TOM1: variants seen among roughly 807,000 people sequenced by gnomAD.
TOM1 encodes target of myb1 membrane trafficking protein, also known as target of Myb protein 1.
In TOM1, 38 loss-of-function variants were observed where a neutral mutation model predicts 61.3. The observed-to-expected ratio is 0.62, with a 90% CI of 0.48 to 0.81. The LOEUF (loss-of-function observed/expected upper bound fraction) is 0.81, where lower values mean the gene tolerates loss of function less well. Ranked by LOEUF, TOM1 falls within the 40% of genes least tolerant of loss-of-function variation. TOM1 has a pLI of 0.00. For missense variants in TOM1, 591 were observed against 659.6 expected (o/e 0.90, Z 1.14); for synonymous variants, 270 against 268.8 (o/e 1.00, Z -0.04).
chr22:35,312,893 G>T (rs1926958784), intron 1 of TOM1, among the ~76,000 whole-genome samples: 2 of 152,224 alleles, frequency 1.3e-5, no homozygotes, highest in African/African-American at 4.8e-5. Context: ...AGTTGTGCTT[G>T]GAGTTATGTT....
chr22:35,345,811 C>T (rs1454560174), intron 13 of TOM1, 27 bp downstream of exon 13: 1 of 1,611,626 alleles, frequency 6.2e-7, no homozygotes, highest in Non-Finnish European at 8.5e-7. Context: ...TCCTCACCCA[C>T]ACAGCAGGAG....
intron 9 of TOM1, 111 bp downstream of exon 9, chr22:35,333,125 G>T (rs753458638): frequency 4.1e-6 from 5 of 1,219,456 alleles, no homozygotes; most frequent in Non-Finnish European, 6.1e-6. Context: ...GTCTTATCCA[G>T]GCCCATAGAG....
At chr22:35,343,799 TACCCAC>T (rs1174916735) in intron 12 of TOM1, among the ~76,000 whole-genome samples, 2 of 113,312 alleles carry the variant, frequency 1.8e-5, no homozygotes, top group African/African-American at 3.4e-5. Context: ...CACCTACACC[TACCCAC>T]ACCTACACCT....
At chr22:35,313,479 T>A (rs1307507560) in intron 1 of TOM1, among the ~76,000 whole-genome samples, 2 of 152,244 alleles carry the variant, frequency 1.3e-5, no homozygotes, top group African/African-American at 2.4e-5. Context: ...GCTCGGTTAC[T>A]CATTGCTAGC....
At position 35,323,010 on chromosome 22, in the gene TOM1, C is replaced by A; in HGVS notation, c.217-18C>A. ...CTCCTCTGACCAAGGTGCTCGACGGCACCTCTCGGCCCTCCAGGTCTTAGA... is the reference window on the plus strand; with the variant it reads ...CTCCTCTGACCAAGGTGCTCGACGGAACCTCTCGGCCCTCCAGGTCTTAGA... On this transcript the variant is annotated intron_variant, in intron 3 of 14. Coordinates refer to ENST00000449058, the MANE Select transcript of TOM1 (RefSeq NM_005488.3). This position sits in a 1 kb window ranked among gnomAD's most constrained non-coding sequence, Gnocchi z 4.2. The A allele has an allele frequency of 6.2e-7, 1 of 1,613,106 alleles. No individual in the cohort carries two copies. The highest frequency in any genetic ancestry group is 8.5e-7 in the Non-Finnish European group (1 of 1,179,568).
At position 35,339,732 on chromosome 22, in the gene TOM1, G is replaced by A. The variant is rs1478057248; in HGVS notation, c.1224+944G>A. On this transcript the variant is annotated intron_variant, in intron 12 of 14. Coordinates refer to ENST00000449058, the MANE Select transcript of TOM1 (RefSeq NM_005488.3). Reference sequence around the variant, plus strand: ...ATCCCGGCTAAAACGGTGAAACCCCGTCTCTACTAAAAATACAAAAAATTA... The same window carrying A: ...ATCCCGGCTAAAACGGTGAAACCCCATCTCTACTAAAAATACAAAAAATTA... Among the ~76,000 whole-genome samples the A allele has an allele frequency of 3.9e-5, 6 of 151,984 alleles. No homozygotes were observed. In the South Asian group the frequency reaches 1.0e-3, roughly 26 times the overall value.
Position 35,323,305 on chromosome 22 carries a change from G to T in TOM1, c.366+128G>T. On this transcript the variant is annotated intron_variant, in intron 4 of 14. Coordinates refer to ENST00000449058, the MANE Select transcript of TOM1 (RefSeq NM_005488.3). This position sits in a 1 kb window ranked among gnomAD's most constrained non-coding sequence, Gnocchi z 4.2. ...CTTCTCATTTCGGGGCGTCTCGGTT[G>T]TCGGCTGGTGGGATGTTCTGTGGGG... 2.1e-6 allele frequency: 3 copies of T among 1,440,212 alleles called. No homozygotes were observed. The highest frequency in any genetic ancestry group is 2.8e-6 in the Non-Finnish European group (3 of 1,058,430). 89.2% of individuals were successfully genotyped at this position (1,440,212 alleles called of 1,614,324 possible). A position where few individuals can be genotyped will look rare whatever the true frequency, so the allele number is the denominator to read the frequency against.
At chr22:35,305,135 G>C (rs1469285847) in intron 1 of TOM1, among the ~76,000 whole-genome samples, 1 of 152,244 alleles carries the variant, frequency 6.6e-6, no homozygotes, top group African/African-American at 2.4e-5. Context: ...GGAATGATGG[G>C]CTGGAAAGTG....
chr22:35,322,902 TC>T, intron 3 of TOM1, 125 bp from the exon 4 acceptor site: 1 of 1,155,378 alleles, frequency 8.7e-7, no homozygotes, highest in Non-Finnish European at 1.2e-6. Flanking sequence ...AGGGTCTCAC[TC>T]CAGGAAGTCC....
In TOM1 at chr22:35,323,881, C is replaced by A. The variant is rs578123280; in HGVS notation, c.615C>A (p.Ser205=). 7.5e-6 allele frequency: 12 copies of A among 1,597,998 alleles called. 1 individual carries two copies. The South Asian group carries it at 1.2e-4, about 17-fold the overall frequency. ...AAPLPAPPIL[S]GDTPIAPTPE... is the part of the protein sequence containing the mutation. ...CTCTGCCCGCCCCGCCCATACTCTC[C>A]GGTGACACGCCCATAGCACCAACCC... The change falls in exon 6 of 15, where the codon TCC becomes TCA. Residue 205 remains serine, a synonymous_variant. Coordinates refer to ENST00000449058, the MANE Select transcript of TOM1 (RefSeq NM_005488.3). This position sits in a 1 kb window ranked among gnomAD's most constrained non-coding sequence, Gnocchi z 4.2.
chr22:35,334,201 C>A lies in TOM1; in HGVS notation c.1028-127C>A. On this transcript the variant is annotated intron_variant, in intron 10 of 14. Coordinates refer to ENST00000449058, the MANE Select transcript of TOM1 (RefSeq NM_005488.3). Reference sequence around the variant, plus strand: ...AGCCAGCAGCAGGTGGCCTGCCTCGCGCATTCCCCCACCCACACGTGCCAC... The same window carrying A: ...AGCCAGCAGCAGGTGGCCTGCCTCGAGCATTCCCCCACCCACACGTGCCAC... 6 of 1,330,660 alleles carry A rather than the reference C, an allele frequency of 4.5e-6. No homozygotes were observed. The South Asian group carries it at 8.8e-5, about 20-fold the overall frequency. The allele number at this position is 1,330,660 out of a possible 1,614,324, so 82.4% of individuals were successfully genotyped here. A position where few individuals can be genotyped will look rare whatever the true frequency, so the allele number is the denominator to read the frequency against.
intron 12 of TOM1, among the ~76,000 whole-genome samples, chr22:35,342,017 T>C (rs1227301763): frequency 2.0e-5 from 3 of 152,212 alleles, no homozygotes; most frequent in Non-Finnish European, 4.4e-5. Flanking sequence ...GGCAGGTACC[T>C]GTAGTGCCAG....
chr22:35,344,645 G>A (rs939013458), intron 12 of TOM1: 1 of 152,306 alleles, frequency 6.6e-6, no homozygotes, highest in Non-Finnish European at 1.5e-5. Context: ...GCTCCTGCCT[G>A]GGGGGTCCTC....
At chr22:35,331,236 C>T in intron 8 of TOM1, 2 of 425,894 alleles carry the variant, frequency 4.7e-6, no homozygotes, top group Admixed American at 2.6e-5. Flanking sequence ...GCCGGGACTA[C>T]AGGCATGCAC....
At chr22:35,300,113 C>A in intron 1 of TOM1, 133 bp downstream of exon 1, 1 of 977,026 alleles carries the variant, frequency 1.0e-6, no homozygotes. Context: ...TCCGACCTGG[C>A]TCCGCCCAGC....
Position 35,333,506 on chromosome 22 carries a change from G to C in TOM1, c.1027+9G>C, listed in dbSNP as rs1157238298. ...CCAGCTGGCAGGAATGAGTAAGTGT[G>C]GTTTGGAGGGCTCCAGCTGAGGGTA... On this transcript the variant is annotated intron_variant, in intron 10 of 14. Transcript: ENST00000449058. The C allele has an allele frequency of 4.3e-6, 7 of 1,613,614 alleles. No individual in the cohort carries two copies. The highest frequency in any genetic ancestry group is 5.9e-6 in the Non-Finnish European group (7 of 1,179,612).
At chr22:35,330,323 T>C in intron 7 of TOM1, 24 bp from the exon 8 acceptor site, 2 of 1,594,200 alleles carry the variant, frequency 1.3e-6, no homozygotes, top group South Asian at 1.1e-5. Flanking sequence ...GTGACTGTGG[T>C]TGCCTCACTT....
chr22:35,345,689 C>T, intron 12 of TOM1, 36 bp from the exon 13 acceptor site: 3 of 1,606,302 alleles, frequency 1.9e-6, no homozygotes, highest in South Asian at 2.2e-5. Context: ...ACCTTGTCAC[C>T]TAGGGCACTG....
chr22:35,299,559 T>A (rs1193129157), upstream of TOM1: 1 of 281,214 alleles, frequency 3.6e-6, no homozygotes, highest in Non-Finnish European at 6.9e-6. Context: ...TCTCGGCTTC[T>A]GTGTAACTCA....
Sources: gnomAD v4.1 joint callset for allele counts (sites outside exome capture counted in the v4.1 genomes callset) on GRCh38, gnomAD v4.1.1 for gene constraint, Gnocchi (gnomAD v3.1) non-coding constraint, MANE v1.5 for transcripts, NCBI Gene and HGNC (gene_info 2026-07-23, HGNC 2026-07-21) for gene names.